The following PCDHA9 variants were observed in gnomAD, a reference collection of about 807,000 sequenced individuals.
The protein encoded by PCDHA9 is protocadherin alpha-9.
In PCDHA9, 62 loss-of-function variants were observed where a neutral mutation model predicts 62.0. The ratio of observed to expected loss-of-function variants is 1.00; its 90% CI spans 0.81 to 1.23. The LOEUF (loss-of-function observed/expected upper bound fraction) is 1.23, where lower values mean the gene tolerates loss of function less well. Ranked by LOEUF, PCDHA9 falls within the 50% of genes most tolerant of loss-of-function variation. PCDHA9 has a pLI of 0.00. For synonymous variants in PCDHA9, 557 were observed against 567.6 expected (o/e 0.98, Z 0.27); for missense variants, 1,205 against 1,249.8 (o/e 0.96, Z 0.54).
chr5:140,993,853 A>G (rs1423193144), intron 3 of PCDHA9, among the ~76,000 whole-genome samples: 5 of 152,198 alleles, frequency 3.3e-5, no homozygotes, highest in African/African-American at 7.2e-5. Context: ...GTAGTAGGCT[A>G]TGCCATCTAG....
At chr5:140,871,427 T>G (rs782140666) in intron 1 of PCDHA9, 3 of 1,613,326 alleles carry the variant, frequency 1.9e-6, no homozygotes, top group Non-Finnish European at 2.5e-6. Context: ...AGCCCCAGTC[T>G]TCCTCTAGGT....
At chr5:140,932,755 GA>G (rs1554209056) in intron 1 of PCDHA9, among the ~76,000 whole-genome samples, 4 of 151,730 alleles carry the variant, frequency 2.6e-5, no homozygotes, top group Non-Finnish European at 5.9e-5. Context: ...AAAAAGGAAA[GA>G]AAAAGAACAT....
In PCDHA9 at chr5:140,957,392, T is replaced by A. The variant is rs1035836709; in HGVS notation, c.2395-21557T>A. Among the ~76,000 whole-genome samples the A allele has an allele frequency of 2.6e-5, 4 of 152,222 alleles. No individual in the cohort carries two copies. In the East Asian group the frequency reaches 5.8e-4, roughly 22 times the overall value. ...TTATTATAGTGTATTGTTATAATTG[T>A]CCTAATTTATTATTATTGTTGTTAA... is the stretch of plus-strand genomic sequence containing the variant. On this transcript the variant is annotated intron_variant, in intron 1 of 3. Coordinates refer to ENST00000532602, the MANE Select transcript of PCDHA9 (RefSeq NM_031857.2).
intron 3 of PCDHA9, among the ~76,000 whole-genome samples, chr5:140,987,254 T>C (rs1358606591): frequency 1.3e-5 from 2 of 151,878 alleles, no homozygotes; most frequent in Non-Finnish European, 1.5e-5. Flanking sequence ...AAAGACATTC[T>C]CAGGAATGGG....
chr5:140,875,355 T>C (rs909094206), intron 1 of PCDHA9: 8 of 1,446,356 alleles, frequency 5.5e-6, no homozygotes, highest in Non-Finnish European at 7.3e-6. Flanking sequence ...ATGACTGTGA[T>C]GCTGGAAAAA....
chr5:140,969,074 C>T (rs782163688), intron 1 of PCDHA9: 3 of 1,614,142 alleles, frequency 1.9e-6, no homozygotes, highest in Non-Finnish European at 2.5e-6. Flanking sequence ...CAGGATACCG[C>T]ATGGCCTCAA....
chr5:140,943,831 A>T (rs1051741610), intron 1 of PCDHA9, among the ~76,000 whole-genome samples: 2 of 152,214 alleles, frequency 1.3e-5, no homozygotes, highest in African/African-American at 4.8e-5. Flanking sequence ...GAGTTGATTG[A>T]AGTTGTAAGA....
At chr5:140,951,545 G>T (rs1019007635) in intron 1 of PCDHA9, among the ~76,000 whole-genome samples, 2 of 151,950 alleles carry the variant, frequency 1.3e-5, no homozygotes, top group African/African-American at 4.8e-5. Flanking sequence ...GCAAGGGACG[G>T]GGGGAAGTGC....
At chr5:140,999,345 C>A (rs2097854633) in intron 3 of PCDHA9, among the ~76,000 whole-genome samples, 1 of 152,178 alleles carries the variant, frequency 6.6e-6, no homozygotes, top group Non-Finnish European at 1.5e-5. Flanking sequence ...TAAGCCTTGT[C>A]TCTTTTTAAT....
intron 1 of PCDHA9, among the ~76,000 whole-genome samples, chr5:140,894,788 T>C (rs1217718306): frequency 2.0e-5 from 3 of 152,160 alleles, no homozygotes; most frequent in Admixed American, 1.3e-4. Flanking sequence ...TTATTTGTCC[T>C]CTCCTTTAAA....
intron 3 of PCDHA9, among the ~76,000 whole-genome samples, chr5:140,997,684 G>A (rs2097780776): frequency 6.6e-6 from 1 of 152,116 alleles, no homozygotes; most frequent in African/African-American, 2.4e-5. Context: ...GTGTGTGTGT[G>A]TGTGTGTGTG....
rs1320219732 is a variant in PCDHA9, at chr5:140,966,886, G to A, written c.2395-12063G>A. On this transcript the variant is annotated intron_variant, in intron 1 of 3. Coordinates refer to ENST00000532602, the MANE Select transcript of PCDHA9 (RefSeq NM_031857.2). Reference sequence around the variant, plus strand: ...TGCTGCTGCTGCTACCTGGCCCTGCGGCCTCCCAGCTGCGATACTCTGTGC... The same window carrying A: ...TGCTGCTGCTGCTACCTGGCCCTGCAGCCTCCCAGCTGCGATACTCTGTGC... The A allele has an allele frequency of 5.7e-6, 9 of 1,592,130 alleles. No individual in the cohort carries two copies. The Admixed American group carries it at 1.0e-4, about 18-fold the overall frequency.
chr5:140,900,446 T>G (rs1344652526), intron 1 of PCDHA9, among the ~76,000 whole-genome samples: 1 of 152,154 alleles, frequency 6.6e-6, no homozygotes, highest in Non-Finnish European at 1.5e-5. Flanking sequence ...GCCGGCTAAT[T>G]TTTTATTTTT....
At chr5:140,862,618 C>T in intron 1 of PCDHA9, 1 of 526,556 alleles carries the variant, frequency 1.9e-6, no homozygotes, top group East Asian at 5.1e-5. Context: ...AGGTAACAAC[C>T]CGCGGGGCTG....
chr5:140,954,016 A>G (rs246027), intron 1 of PCDHA9, among the ~76,000 whole-genome samples: 85,628 of 151,968 alleles, frequency 0.56, 24,747 homozygotes, highest in African/African-American at 0.69. Context: ...GCTCCCACAC[A>G]TAGTGGGACG....
intron 1 of PCDHA9, among the ~76,000 whole-genome samples, chr5:140,912,509 T>A (rs1473163707): frequency 6.6e-6 from 1 of 152,170 alleles, no homozygotes; most frequent in Non-Finnish European, 1.5e-5. Flanking sequence ...TTTGGATGAA[T>A]CTTTAGGGTT....
At chr5:140,962,716 G>A (rs1268660102) in intron 1 of PCDHA9, among the ~76,000 whole-genome samples, 2 of 152,304 alleles carry the variant, frequency 1.3e-5, no homozygotes, top group East Asian at 3.9e-4. Context: ...ATATTGGAAA[G>A]TATTTTCCTT....
intron 1 of PCDHA9, among the ~76,000 whole-genome samples, chr5:140,945,509 GTAAA>G (rs1266877059): frequency 6.6e-6 from 1 of 151,782 alleles, no homozygotes; most frequent in Non-Finnish European, 1.5e-5. Context: ...ATTGAGCAAA[GTAAA>G]TAAATAAATA....
intron 1 of PCDHA9, chr5:140,877,758 G>T (rs782480713): frequency 6.2e-7 from 1 of 1,614,190 alleles, no homozygotes; most frequent in East Asian, 2.2e-5. Flanking sequence ...GCTCTGCAGA[G>T]AGCCCGCCCA....
Sources: allele counts gnomAD v4.1 joint callset (sites outside exome capture counted in the v4.1 genomes callset), GRCh38; gene constraint gnomAD v4.1.1; transcripts MANE v1.5; gene names NCBI Gene and HGNC (gene_info 2026-07-23, HGNC 2026-07-21).